Variants in ABCA2 observed in about 807,000 individuals in gnomAD.
ABCA2 encodes ATP binding cassette subfamily A member 2.
ABCA2 carries 84 observed loss-of-function variants against 262.8 expected under a neutral mutation model. That is an observed-to-expected ratio of 0.32 (90% CI 0.27 to 0.38). The LOEUF (loss-of-function observed/expected upper bound fraction) is 0.38, where lower values mean the gene tolerates loss of function less well. ABCA2 is among the 10% of genes least tolerant of loss of function. ABCA2 has a pLI of 1.00. For missense variants in ABCA2, 2,662 were observed against 3,405.9 expected (o/e 0.78, Z 5.44); for synonymous variants, 1,696 against 1,502.9 (o/e 1.13, Z -2.97).
At position 137,017,710 on chromosome 9, in the gene ABCA2, G is replaced by A; in HGVS notation, c.2212-18C>T. The A allele has an allele frequency of 6.2e-7, 1 of 1,608,382 alleles. No homozygotes were observed. Among genetic ancestry groups the A allele is most frequent in the Non-Finnish European group, 8.5e-7 (1 of 1,176,530 alleles). On this transcript the variant is annotated intron_variant, in intron 16 of 48. Transcript: ENST00000341511. ...TTCATCACCTGCGGGTGGGCCAGGG[G>A]CTTGGGGCAGGCCCCGGGGAGGACG...
chr9:137,012,457 C>T (rs371391511), intron 32 of ABCA2, 28 bp downstream of exon 32: 28 of 1,609,900 alleles, frequency 1.7e-5, no homozygotes, highest in African/African-American at 5.3e-5. Context: ...CTACACACAG[C>T]GGGGCCCAGG....
At chr9:137,018,663 G>C in intron 13 of ABCA2, 56 bp downstream of exon 13, 1 of 1,434,288 alleles carries the variant, frequency 7.0e-7, no homozygotes, top group Non-Finnish European at 9.4e-7. Flanking sequence ...GGTGGGGCTG[G>C]GCTGGGGAGG....
At position 137,008,878 on chromosome 9, in the gene ABCA2, G is replaced by A. The variant is rs761192828; in HGVS notation, c.6931-10C>T. 1.2e-6 allele frequency: 2 copies of A among 1,603,710 alleles called. No homozygotes were observed. The highest frequency in any genetic ancestry group is 4.5e-5 in the East Asian group (2 of 44,814). On this transcript the variant is annotated splice_polypyrimidine_tract_variant and intron_variant, in intron 46 of 48. Transcript: ENST00000341511. ...TTGTGTGGTGCCGCTCCTGCAGGGG[G>A]GGAGGTCAGAGGCCTGGCAGCGCCC...
rs1345511619 is a variant in ABCA2, at chr9:137,020,754, T to C, written c.1205A>G (p.Gln402Arg). The C allele has an allele frequency of 6.2e-7, 1 of 1,601,616 alleles. No individual in the cohort carries two copies. The highest frequency in any genetic ancestry group is 8.5e-7 in the Non-Finnish European group (1 of 1,178,158). Reference sequence around the variant, plus strand: ...CCAGAGCTGTACGAAGGCTGAGCACTGGCCCTGCAGCGTGTCCGGGGTGGC... The same window carrying C: ...CCAGAGCTGTACGAAGGCTGAGCACCGGCCCTGCAGCGTGTCCGGGGTGGC... ...ALATPDTLQG[Q>R]CSAFVQLWAG... Residue 402 changes from glutamine (Q) to arginine (R), a missense_variant, in exon 9 of 49, where the codon CAG (glutamine) becomes CGG (arginine). Transcript: ENST00000341511.
Position 137,018,330 on chromosome 9 carries a change from T to G in ABCA2, c.1841A>C (p.Lys614Thr). ...CACGTGAGGCGGGAGCGAGCCGTCC[T>G]TCCGGGTCTGGAAGATCACACCTGG... is the stretch of plus-strand genomic sequence containing the variant. ...VFASVIFQTR[K>T]DGSLPPHVHY... The change falls in exon 14 of 49, where the codon AAG (lysine) becomes ACG (threonine). Residue 614 changes from lysine to threonine, a missense_variant. Lys to Thr is a moderately conservative substitution (Grantham distance 78). Transcript: ENST00000341511. 2.5e-6 allele frequency: 4 copies of G among 1,596,096 alleles called. No homozygotes were observed. Among genetic ancestry groups the G allele is most frequent in the Non-Finnish European group, 3.4e-6 (4 of 1,175,210 alleles).
At position 137,008,720 on chromosome 9, in the gene ABCA2, G is replaced by C. The variant is rs768185007; in HGVS notation, c.7068+11C>G. 2.5e-6 allele frequency: 4 copies of C among 1,573,072 alleles called. No individual in the cohort carries two copies. The East Asian group carries it at 6.9e-5, about 27-fold the overall frequency. On this transcript the variant is annotated intron_variant, in intron 47 of 48. Coordinates refer to ENST00000341511, the MANE Select transcript of ABCA2 (RefSeq NM_001606.5). ...GGCAGGTGTGGTGCGCAGTGCCCTT[G>C]GGGCGCTCACATTGTCCAGTGTGGT...
In ABCA2 at chr9:137,008,729, A is replaced by G; in HGVS notation, c.7068+2T>C. On this transcript the variant is annotated splice_donor_variant, in intron 47 of 48. Transcript: ENST00000341511. LOFTEE classifies it high-confidence loss of function. ...GGTGCGCAGTGCCCTTGGGGCGCTC[A>G]CATTGTCCAGTGTGGTCTGGCTGAC... The G allele has an allele frequency of 6.3e-7, 1 of 1,577,702 alleles. No homozygotes were observed. The highest frequency in any genetic ancestry group is 8.6e-7 in the Non-Finnish European group (1 of 1,162,780).
At chr9:137,008,073 G>A (rs1002136334) in intron 48 of ABCA2, 109 bp from the exon 49 acceptor site, 245 of 1,375,374 alleles carry the variant, frequency 1.8e-4, no homozygotes, top group Admixed American at 9.1e-4. Context: ...GGGCCTGGAC[G>A]CAGGGTCTCC....
chr9:137,022,054 TGGTG>T lies in ABCA2; in HGVS notation c.568-57_568-54del, dbSNP rs1831475879. 136 of 154,726 alleles carry T rather than the reference TGGTG, an allele frequency of 8.8e-4. No homozygotes were observed. The South Asian group carries it at 0.01, about 12-fold the overall frequency. 9.6% of individuals were successfully genotyped at this position (154,726 alleles called of 1,614,324 possible). A position where few individuals can be genotyped will look rare whatever the true frequency, so the allele number is the denominator to read the frequency against. On this transcript the variant is annotated intron_variant, in intron 6 of 48. Transcript: ENST00000341511. ...TGGGGTGTGGGGGGCGTGGCTCAGA[TGGTG>T]GGGGCGTGGCTCCGATGGACGTGTG...
rs1389108116 is a variant in ABCA2, at chr9:137,016,439, G to C, written c.2956C>G (p.His986Asp). The C allele has an allele frequency of 6.2e-7, 1 of 1,612,826 alleles. No individual in the cohort carries two copies. Among genetic ancestry groups the C allele is most frequent in the South Asian group, 1.1e-5 (1 of 91,086 alleles). ...ETRGMEEEPT[H>D]LPLVVCVDKL... ...TCCACGCAGACAACCAGAGGCAGGT[G>C]GGTGGGCTCCTCCTCCATGCCACGG... The change falls in exon 21 of 49, where the codon CAC (histidine) becomes GAC (aspartate). Residue 986 changes from histidine (H) to aspartate (D), a missense_variant. By Grantham distance (81) the His-to-Asp change is moderately conservative. Coordinates refer to ENST00000341511, the MANE Select transcript of ABCA2 (RefSeq NM_001606.5).
At chr9:137,015,140 G>A (rs767344620) in intron 24 of ABCA2, 43 bp from the exon 25 acceptor site, 66 of 1,532,148 alleles carry the variant, frequency 4.3e-5, no homozygotes, top group Non-Finnish European at 5.4e-5. Context: ...CTCAGGGGCT[G>A]GGAGGAGGGA....
In ABCA2 at chr9:137,020,876, G is replaced by T; in HGVS notation, c.1083C>A (p.Ala361=). ...CATTGGCCGCCCCACCCGCACCACTGGCTGGGGGTCCGGGGGTCCGGCCAG... is the reference window on the plus strand; with the variant it reads ...CATTGGCCGCCCCACCCGCACCACTTGCTGGGGGTCCGGGGGTCCGGCCAG... ...ACTGRTPGPP[A]SGAGGAANGT... is the part of the protein sequence containing the mutation. The change falls in exon 9 of 49, where the codon GCC becomes GCA. Residue 361 remains alanine (A), a synonymous_variant. Transcript: ENST00000341511. 6.5e-7 allele frequency: 1 copy of T among 1,548,524 alleles called. No individual in the cohort carries two copies. Among genetic ancestry groups the T allele is most frequent in the East Asian group, 2.4e-5 (1 of 41,562 alleles).
Position 137,010,044 on chromosome 9 carries a change from G to A in ABCA2, c.6434C>T (p.Ala2145Val), listed in dbSNP as rs762424532. ...CGTGTACAGCTGCAGGTGCTCCCGG[G>A]CCGTGAGCTCGTCGAACAGCGCGTC... ...QCDALFDELT[A>V]REHLQLYTRL... The change falls in exon 42 of 49, where the codon GCC (alanine) becomes GTC (valine). Residue 2145 changes from alanine to valine, a missense_variant. Around this residue, in one of 12 missense-constraint regions of ABCA2, gnomAD observed 602 missense variants for 897.4 expected, o/e 0.67. Coordinates refer to ENST00000341511, the MANE Select transcript of ABCA2 (RefSeq NM_001606.5). The A allele has an allele frequency of 4.4e-6, 7 of 1,601,522 alleles. No homozygotes were observed. Among genetic ancestry groups the A allele is most frequent in the Non-Finnish European group, 8.5e-7 (1 of 1,176,418 alleles).
At position 137,019,009 on chromosome 9, in the gene ABCA2, G is replaced by A. The variant is rs773180113; in HGVS notation, c.1616C>T (p.Pro539Leu). ...ALNLSLDELP[P>L]ALRQDNFSLP... Reference sequence around the variant, plus strand: ...CGAGAAGTTGTCCTGTCTCAGGGCCGGCGGCAGCTCATCCAGTGACAGGTT... The same window carrying A: ...CGAGAAGTTGTCCTGTCTCAGGGCCAGCGGCAGCTCATCCAGTGACAGGTT... Residue 539 changes from proline to leucine, a missense_variant, in exon 12 of 49, where the codon CCG (proline) becomes CTG (leucine). Coordinates refer to ENST00000341511, the MANE Select transcript of ABCA2 (RefSeq NM_001606.5). The surrounding 1 kb of genome is among the most constrained non-coding windows in gnomAD (Gnocchi z 4.4). 29 of 1,612,778 alleles carry A rather than the reference G, an allele frequency of 1.8e-5. No individual in the cohort carries two copies. The highest frequency in any genetic ancestry group is 4.5e-5 in the East Asian group (2 of 44,886).
At position 137,019,344 on chromosome 9, in the gene ABCA2, G is replaced by A. The variant is rs749218719; in HGVS notation, c.1426-38C>T. ...AGGCAGGGGCATGGAGTTTCTGGAC[G>A]GACCCCCACCGACTTGGGGGCTCTC... On this transcript the variant is annotated intron_variant, in intron 10 of 48. Transcript: ENST00000341511. The surrounding 1 kb of genome is among the most constrained non-coding windows in gnomAD (Gnocchi z 4.4). The A allele has an allele frequency of 2.9e-5, 47 of 1,604,156 alleles. No homozygotes were observed. Among genetic ancestry groups the A allele is most frequent in the Admixed American group, 2.9e-4 (17 of 59,520 alleles).
At chr9:137,026,235 C>T (rs1831649769) in intron 1 of ABCA2, among the ~76,000 whole-genome samples, 1 of 152,172 alleles carries the variant, frequency 6.6e-6, no homozygotes, top group South Asian at 2.1e-4. Context: ...GAGGAGCCTG[C>T]TAGCAGCACA....
rs1399923548 is a variant in ABCA2 at position 137,027,974 on chromosome 9, T to C, written c.66+101A>G. ...GCGCCGCCCCCAGCGCCCGCCGGGG[T>C]CTGCGCGCGCCCGGCCGTCCGCACG... On this transcript the variant is annotated intron_variant, in intron 1 of 48. Transcript: ENST00000341511. 9 of 564,642 alleles carry C rather than the reference T, an allele frequency of 1.6e-5. No homozygotes were observed. In the East Asian group the frequency reaches 1.2e-3, roughly 76 times the overall value. The allele number at this position is 564,642 out of a possible 1,614,324, so 35.0% of individuals were successfully genotyped here.
Position 137,021,840 on chromosome 9 carries a change from C to T in ABCA2, c.678+51G>A. ...TTCCTCACCCACGGAGCAGAAGCACCCCCAGAGGCAGGCAGCACTCCAGGC... is the reference window on the plus strand; with the variant it reads ...TTCCTCACCCACGGAGCAGAAGCACTCCCAGAGGCAGGCAGCACTCCAGGC... On this transcript the variant is annotated intron_variant, in intron 7 of 48. Coordinates refer to ENST00000341511, the MANE Select transcript of ABCA2 (RefSeq NM_001606.5). This position sits in a 1 kb window ranked among gnomAD's most constrained non-coding sequence, Gnocchi z 6.0. 6.7e-7 allele frequency: 1 copy of T among 1,498,792 alleles called. No individual in the cohort carries two copies. The highest frequency in any genetic ancestry group is 1.2e-5 in the South Asian group (1 of 83,536). 92.8% of individuals were successfully genotyped at this position (1,498,792 alleles called of 1,614,324 possible).
In ABCA2 at chr9:137,016,385, TGTC is replaced by T; in HGVS notation, c.3007_3009del (p.Asp1003del). 1 of 1,612,924 alleles carries T rather than the reference TGTC, an allele frequency of 6.2e-7. No individual in the cohort carries two copies. Among genetic ancestry groups the T allele is most frequent in the Non-Finnish European group, 8.5e-7 (1 of 1,179,992 alleles). On this transcript the variant is annotated inframe_deletion, in exon 21 of 49. Coordinates refer to ENST00000341511, the MANE Select transcript of ABCA2 (RefSeq NM_001606.5). ...CTCAGCTTGTTCAGGGCCAGCTTCT[TGTC>T]GTCCTTGTAGACCTTGGTGAGTTTG...
Sources: allele counts gnomAD v4.1 joint callset (sites outside exome capture counted in the v4.1 genomes callset), GRCh38; gene constraint gnomAD v4.1.1; regional missense constraint gnomAD v4.1.1; non-coding constraint Gnocchi (gnomAD v3.1); transcripts MANE v1.5; gene names NCBI Gene and HGNC (gene_info 2026-07-23, HGNC 2026-07-21).